TTC28: variants seen among roughly 807,000 people sequenced by gnomAD.
TTC28 encodes tetratricopeptide repeat protein 28.
TTC28 carries 61 observed loss-of-function variants against 198.0 expected under a neutral mutation model. The ratio of observed to expected loss-of-function variants is 0.31; its 90% CI spans 0.25 to 0.38. TTC28 has a LOEUF of 0.38. TTC28 is among the 10% of genes least tolerant of loss of function. The probability of loss-of-function intolerance (pLI) is 1.00; values close to 1 mark genes in which losing one functional copy is unlikely to be tolerated. For missense variants in TTC28, 2,678 were observed against 3,164.0 expected (o/e 0.85, Z 3.69); for synonymous variants, 1,171 against 1,297.8 (o/e 0.90, Z 2.10).
chr22:28,325,161 T>C (rs2045507987), intron 2 of TTC28, among the ~76,000 whole-genome samples: 1 of 151,778 alleles, frequency 6.6e-6, no homozygotes, highest in Non-Finnish European at 1.5e-5. Context: ...GAGCCTGTTA[T>C]TGGTGTATTC....
At chr22:28,572,548 A>G (rs1294808669) in intron 2 of TTC28, among the ~76,000 whole-genome samples, 2 of 152,222 alleles carry the variant, frequency 1.3e-5, no homozygotes, top group African/African-American at 4.8e-5. Context: ...AAGAACACTT[A>G]GAGGATCATT....
At chr22:28,626,228 T>C (rs1485150630) in intron 2 of TTC28, among the ~76,000 whole-genome samples, 1 of 152,100 alleles carries the variant, frequency 6.6e-6, no homozygotes, top group African/African-American at 2.4e-5. Context: ...CTTTTGTGGG[T>C]TCCCATAGTG....
chr22:28,085,871 G>C (rs1019606007), intron 12 of TTC28, among the ~76,000 whole-genome samples: 1 of 152,082 alleles, frequency 6.6e-6, no homozygotes, highest in Non-Finnish European at 1.5e-5. Context: ...CCTGGTCTCT[G>C]ATAAAACAGA....
chr22:28,100,489 A>T (rs897180248), intron 9 of TTC28, among the ~76,000 whole-genome samples: 2 of 152,234 alleles, frequency 1.3e-5, no homozygotes, highest in Admixed American at 6.5e-5. Flanking sequence ...TAATCATTTT[A>T]AAAGTACAGT....
At chr22:28,280,007 C>T (rs151178215) in intron 5 of TTC28, among the ~76,000 whole-genome samples, 14 of 152,290 alleles carry the variant, frequency 9.2e-5, no homozygotes, top group African/African-American at 3.4e-4. Context: ...AACACTTGGG[C>T]TATTTTCAGA....
chr22:28,000,989 C>T lies in TTC28; in HGVS notation c.4398+385G>A, dbSNP rs562379037. 2.8e-5 allele frequency: 5 copies of T among 176,312 alleles called. No homozygotes were observed. The South Asian group carries it at 6.1e-4, about 22-fold the overall frequency. 10.9% of individuals were successfully genotyped at this position (176,312 alleles called of 1,614,324 possible). A position where few individuals can be genotyped will look rare whatever the true frequency, so the allele number is the denominator to read the frequency against. On this transcript the variant is annotated intron_variant, in intron 15 of 22. Transcript: ENST00000397906. Reference sequence around the variant, plus strand: ...CCCAGCCAGCAGTCAGCTCAAGGGCCAGATGAATTGGGTGGCTGTGCTCTG... The same window carrying T: ...CCCAGCCAGCAGTCAGCTCAAGGGCTAGATGAATTGGGTGGCTGTGCTCTG...
intron 14 of TTC28, chr22:28,001,774 C>T: frequency 1.7e-6 from 1 of 580,312 alleles, no homozygotes; most frequent in South Asian, 2.1e-5. Flanking sequence ...CTGGCAGCAT[C>T]CATCTGCCTC....
At chr22:28,457,696 T>C (rs1217097980) in intron 2 of TTC28, among the ~76,000 whole-genome samples, 1 of 152,212 alleles carries the variant, frequency 6.6e-6, no homozygotes, top group Non-Finnish European at 1.5e-5. Flanking sequence ...TTATTGGTTT[T>C]TAAAATTATC....
At chr22:28,228,601 G>C (rs558620354) in intron 5 of TTC28, among the ~76,000 whole-genome samples, 2 of 152,190 alleles carry the variant, frequency 1.3e-5, no homozygotes, top group East Asian at 3.9e-4. Flanking sequence ...CCAGGAGGCT[G>C]AGGCAGGAGA....
At chr22:27,991,204 C>T (rs542907525) in intron 19 of TTC28, among the ~76,000 whole-genome samples, 1 of 152,314 alleles carries the variant, frequency 6.6e-6, no homozygotes, top group African/African-American at 2.4e-5. Flanking sequence ...GTCCCTAGGG[C>T]CCAACAGCGT....
intron 2 of TTC28, among the ~76,000 whole-genome samples, chr22:28,399,285 G>A (rs1172203368): frequency 6.8e-6 from 1 of 147,108 alleles, no homozygotes; most frequent in East Asian, 2.0e-4. Context: ...GCCCTATCAA[G>A]TACAATGTTT....
At chr22:28,535,069 A>T (rs1015992305) in intron 2 of TTC28, among the ~76,000 whole-genome samples, 3 of 152,000 alleles carry the variant, frequency 2.0e-5, no homozygotes, top group Admixed American at 6.6e-5. Context: ...TAATAATAAT[A>T]AAAAAAAGAA....
intron 6 of TTC28, among the ~76,000 whole-genome samples, chr22:28,150,463 T>C (rs1943579926): frequency 6.6e-6 from 1 of 152,220 alleles, no homozygotes; most frequent in Admixed American, 6.5e-5. Flanking sequence ...GCTGTTATTT[T>C]GATTTTCTCA....
Position 28,679,729 on chromosome 22 carries a change from C to G in TTC28, c.-6G>C. On this transcript the variant is annotated 5_prime_UTR_variant, in exon 1 of 23. Coordinates refer to ENST00000397906, the MANE Select transcript of TTC28 (RefSeq NM_001145418.2). The stretch of plus-strand genomic sequence containing the variant: ...GGCGGCGGCGACTGCTCCATCCCCA[C>G]GGGGCCCGGGCCGCGTCCGCCTCGA... 8.1e-7 allele frequency: 1 copy of G among 1,229,096 alleles called. No homozygotes were observed. The highest frequency in any genetic ancestry group is 1.0e-6 in the Non-Finnish European group (1 of 984,150). 76.1% of individuals were successfully genotyped at this position (1,229,096 alleles called of 1,614,324 possible).
intron 5 of TTC28, among the ~76,000 whole-genome samples, chr22:28,214,407 T>A (rs1927202443): frequency 6.6e-6 from 1 of 152,162 alleles, no homozygotes; most frequent in African/African-American, 2.4e-5. Context: ...ATATCCAGAA[T>A]CTACAAAGAA....
chr22:28,523,039 T>C (rs763188150), intron 2 of TTC28, among the ~76,000 whole-genome samples: 18 of 152,140 alleles, frequency 1.2e-4, no homozygotes, highest in Non-Finnish European at 2.2e-4. Flanking sequence ...CGTTATGGTA[T>C]GTGAATTATA....
intron 6 of TTC28, among the ~76,000 whole-genome samples, chr22:28,119,488 T>G (rs1163293477): frequency 6.6e-6 from 1 of 152,226 alleles, no homozygotes; most frequent in Non-Finnish European, 1.5e-5. Flanking sequence ...CTGAGAATAC[T>G]ATATCAAAGC....
Position 28,182,188 on chromosome 22 carries a change from C to T in TTC28, c.934-18589G>A, listed in dbSNP as rs1601438411. Reference sequence around the variant, plus strand: ...AGGGTGTGTAACCTAGCTTCATAAGCATTTTCAATGACACAATTCACTACA... The same window carrying T: ...AGGGTGTGTAACCTAGCTTCATAAGTATTTTCAATGACACAATTCACTACA... On this transcript the variant is annotated intron_variant, in intron 5 of 22. Transcript: ENST00000397906. Among the ~76,000 whole-genome samples, 6 of 152,268 alleles carry T rather than the reference C, an allele frequency of 3.9e-5. 1 individual carries two copies. The highest frequency in any genetic ancestry group is 3.9e-4 in the Admixed American group (6 of 15,294).
chr22:28,117,443 G>C (rs1373046028), intron 6 of TTC28, among the ~76,000 whole-genome samples: 3 of 152,182 alleles, frequency 2.0e-5, no homozygotes, highest in Non-Finnish European at 4.4e-5. Context: ...TTCTAACAAA[G>C]TCTGTGTGAG....
Sources: gnomAD v4.1 joint callset for allele counts (sites outside exome capture counted in the v4.1 genomes callset) on GRCh38, gnomAD v4.1.1 for gene constraint, MANE v1.5 for transcripts, NCBI Gene and HGNC (gene_info 2026-07-23, HGNC 2026-07-21) for gene names.